Variants in PCDHA12 observed in about 807,000 individuals in gnomAD.
The protein encoded by PCDHA12 is protocadherin alpha-12.
Under a neutral mutation model 60.0 loss-of-function variants are expected in PCDHA12, and 44 were observed. The ratio of observed to expected loss-of-function variants is 0.73; its 90% CI spans 0.58 to 0.94. The LOEUF is 0.94. Ranked by LOEUF, PCDHA12 falls within the 40% of genes least tolerant of loss-of-function variation. The probability of loss-of-function intolerance (pLI) is 0.00; values close to 1 mark genes in which losing one functional copy is unlikely to be tolerated. For synonymous variants in PCDHA12, 569 were observed against 553.0 expected (o/e 1.03, Z -0.40); for missense variants, 1,276 against 1,239.7 (o/e 1.03, Z -0.44).
At chr5:140,929,293 A>G in intron 1 of PCDHA12, 1 of 1,594,458 alleles carries the variant, frequency 6.3e-7, no homozygotes, top group Non-Finnish European at 8.6e-7. Flanking sequence ...GATTCGGAAT[A>G]GGAAAGGGGA....
chr5:140,882,966 T>C (rs201472469), intron 1 of PCDHA12: 3 of 1,614,202 alleles, frequency 1.9e-6, no homozygotes, highest in Non-Finnish European at 8.5e-7. Context: ...ATCACGATTC[T>C]GGACGTGAAT....
chr5:141,001,694 C>A (rs2098032582), intron 3 of PCDHA12, among the ~76,000 whole-genome samples: 1 of 151,662 alleles, frequency 6.6e-6, no homozygotes, highest in African/African-American at 2.4e-5. Flanking sequence ...CCACAGATGG[C>A]GAAATAGGGG....
chr5:140,989,733 C>T (rs31874), intron 3 of PCDHA12, among the ~76,000 whole-genome samples: 120,660 of 152,102 alleles, frequency 0.79, 48,852 homozygotes, highest in East Asian at 0.98. Context: ...GTTGAAAAGG[C>T]CATTGCCTAA....
intron 1 of PCDHA12, among the ~76,000 whole-genome samples, chr5:140,917,700 T>C (rs879971168): frequency 2.0e-5 from 3 of 152,166 alleles, no homozygotes; most frequent in Non-Finnish European, 4.4e-5. Flanking sequence ...GATCAGATAA[T>C]TGTAGGTGTG....
chr5:140,982,795 ATG>A (rs60616196), intron 3 of PCDHA12, among the ~76,000 whole-genome samples: 18 of 151,504 alleles, frequency 1.2e-4, no homozygotes, highest in African/African-American at 3.2e-4. Flanking sequence ...GCATGTGTGC[ATG>A]TGTGTGTGTG....
At chr5:140,927,596 G>C in intron 1 of PCDHA12, 3 of 1,614,162 alleles carry the variant, frequency 1.9e-6, no homozygotes, top group Non-Finnish European at 2.5e-6. Flanking sequence ...GTATTTGAGC[G>C]CTCCGTATAC....
At chr5:140,888,213 T>A (rs1460298215) in intron 1 of PCDHA12, among the ~76,000 whole-genome samples, 1 of 152,170 alleles carries the variant, frequency 6.6e-6, no homozygotes, top group East Asian at 1.9e-4. Context: ...CTGGATTTTG[T>A]GTGTGTGTGC....
intron 1 of PCDHA12, among the ~76,000 whole-genome samples, chr5:140,896,543 T>C (rs2065615880): frequency 6.6e-6 from 1 of 151,466 alleles, no homozygotes; most frequent in Non-Finnish European, 1.5e-5. Flanking sequence ...TTTCTTTTTT[T>C]TTTTTGTATT....
intron 3 of PCDHA12, among the ~76,000 whole-genome samples, chr5:140,985,909 T>C (rs1421545707): frequency 6.6e-6 from 1 of 151,912 alleles, no homozygotes; most frequent in Non-Finnish European, 1.5e-5. Flanking sequence ...CCGTCTAATT[T>C]TTTGTATTTT....
chr5:140,969,586 C>A lies in PCDHA12; in HGVS notation c.2368-9363C>A. The A allele has an allele frequency of 3.4e-6, 3 of 894,952 alleles. No homozygotes were observed. In the Admixed American group the frequency reaches 9.0e-5, roughly 27 times the overall value. The allele number at this position is 894,952 out of a possible 1,614,324, so 55.4% of individuals were successfully genotyped here. A position where few individuals can be genotyped will look rare whatever the true frequency, so the allele number is the denominator to read the frequency against. ...AATTGTTTGAGAAGTGAGGATTAGT[C>A]TTAATATTTAATGCTAAAACACAGA... On this transcript the variant is annotated intron_variant, in intron 1 of 3. Transcript: ENST00000398631.
At chr5:141,008,961 A>G (rs2098395078) in intron 3 of PCDHA12, among the ~76,000 whole-genome samples, 1 of 152,214 alleles carries the variant, frequency 6.6e-6, no homozygotes, top group Non-Finnish European at 1.5e-5. Context: ...ACATCCTAAT[A>G]CATTTATAGC....
At chr5:140,988,026 T>A (rs1405610277) in intron 3 of PCDHA12, among the ~76,000 whole-genome samples, 1 of 152,152 alleles carries the variant, frequency 6.6e-6, no homozygotes, top group Non-Finnish European at 1.5e-5. Context: ...GATTCTTAAG[T>A]TTTTTAGAAT....
chr5:140,921,741 A>G (rs1437643098), intron 1 of PCDHA12, among the ~76,000 whole-genome samples: 1 of 152,202 alleles, frequency 6.6e-6, no homozygotes, highest in Non-Finnish European at 1.5e-5. Context: ...AATTATAAGC[A>G]TAACAGGACA....
chr5:140,965,445 G>T (rs1460508023), intron 1 of PCDHA12, among the ~76,000 whole-genome samples: 1 of 151,794 alleles, frequency 6.6e-6, no homozygotes, highest in Non-Finnish European at 1.5e-5. Flanking sequence ...TGAAATTGCT[G>T]GTTATTGTAA....
intron 1 of PCDHA12, among the ~76,000 whole-genome samples, chr5:140,963,630 C>T (rs1370293911): frequency 3.3e-5 from 5 of 152,140 alleles, no homozygotes; most frequent in African/African-American, 1.2e-4. Flanking sequence ...TTGTTGCATA[C>T]GCATCTTCCC....
chr5:140,974,350 C>A (rs555781549), intron 1 of PCDHA12, among the ~76,000 whole-genome samples: 1 of 152,186 alleles, frequency 6.6e-6, no homozygotes, highest in African/African-American at 2.4e-5. Context: ...GCATCCAGAA[C>A]TAAACAGACC....
At chr5:140,900,425 G>T (rs577250354) in intron 1 of PCDHA12, among the ~76,000 whole-genome samples, 1 of 152,236 alleles carries the variant, frequency 6.6e-6, no homozygotes, top group African/African-American at 2.4e-5. Context: ...TTATAGGCAC[G>T]TGCCACCACG....
Position 140,877,549 on chromosome 5 carries a change from C to T in PCDHA12, c.2077C>T (p.Leu693=). The T allele has an allele frequency of 6.2e-7, 1 of 1,613,788 alleles. No individual in the cohort carries two copies. The highest frequency in any genetic ancestry group is 8.5e-7 in the Non-Finnish European group (1 of 1,179,914). Residue 693 remains leucine (L), a synonymous_variant, in exon 1 of 4, where the codon CTG becomes TTG. Transcript: ENST00000398631. ...SVGAVDPEAA[L]VDINVYLIIA... is the part of the protein sequence containing the mutation. Reference sequence around the variant, plus strand: ...GGGCGCTGTGGATCCCGAAGCGGCTCTGGTGGATATTAACGTGTACCTCAT... The same window carrying T: ...GGGCGCTGTGGATCCCGAAGCGGCTTTGGTGGATATTAACGTGTACCTCAT...
rs546551059 is a variant in PCDHA12, at chr5:140,918,074, G to A, written c.2367+40235G>A. Among the ~76,000 whole-genome samples, 10 of 152,214 alleles carry A rather than the reference G, an allele frequency of 6.6e-5. No individual in the cohort carries two copies. The East Asian group carries it at 1.9e-3, about 29-fold the overall frequency. On this transcript the variant is annotated intron_variant, in intron 1 of 3. Transcript: ENST00000398631. ...TTATCATCTCTGATTTCTTTCAGTA[G>A]TGTTTTATAATTCTTTTTATAGAGA...
Sources: allele counts gnomAD v4.1 joint callset (sites outside exome capture counted in the v4.1 genomes callset), GRCh38; gene constraint gnomAD v4.1.1; transcripts MANE v1.5; gene names NCBI Gene and HGNC (gene_info 2026-07-23, HGNC 2026-07-21).